Variants in ME1 observed in about 807,000 individuals in gnomAD.
The protein encoded by ME1 is malic enzyme 1, also known as NADP-dependent malic enzyme.
ME1 carries 74 observed loss-of-function variants against 66.4 expected under a neutral mutation model. The observed-to-expected ratio is 1.11, with a 90% CI of 0.92 to 1.35. The LOEUF (loss-of-function observed/expected upper bound fraction) is 1.35. ME1 is among the 40% of genes most tolerant of loss of function. ME1 has a pLI of 0.00. For synonymous variants in ME1, 251 were observed against 235.6 expected (o/e 1.07, Z -0.60); for missense variants, 750 against 694.1 (o/e 1.08, Z -0.90).
chr6:83,331,118 T>C (rs750157072), intron 5 of ME1, among the ~76,000 whole-genome samples: 11 of 152,160 alleles, frequency 7.2e-5, no homozygotes, highest in African/African-American at 1.9e-4. Context: ...GCCCGTGACC[T>C]CTTGAGGACT....
chr6:83,359,417 A>C (rs1768962956), intron 3 of ME1, among the ~76,000 whole-genome samples: 1 of 152,138 alleles, frequency 6.6e-6, no homozygotes, highest in African/African-American at 2.4e-5. Context: ...CAGGCATGTG[A>C]GTGGATATTA....
At chr6:83,355,387 A>G (rs1768868597) in intron 3 of ME1, among the ~76,000 whole-genome samples, 1 of 152,142 alleles carries the variant, frequency 6.6e-6, no homozygotes, top group South Asian at 2.1e-4. Flanking sequence ...AGGTTTTCCA[A>G]ATAACACTGG....
At chr6:83,421,677 A>G (rs1770271791) in intron 1 of ME1, among the ~76,000 whole-genome samples, 1 of 152,186 alleles carries the variant, frequency 6.6e-6, no homozygotes, top group Admixed American at 6.5e-5. Flanking sequence ...TTGATTGTGT[A>G]CAAAGACTGC....
intron 9 of ME1, chr6:83,229,336 C>G: frequency 3.7e-6 from 1 of 269,108 alleles, no homozygotes; most frequent in Middle Eastern, 4.9e-4. Context: ...CCAATTTATG[C>G]TACTGACTAA....
At chr6:83,411,716 C>A (rs918947977) in intron 1 of ME1, among the ~76,000 whole-genome samples, 2 of 152,044 alleles carry the variant, frequency 1.3e-5, no homozygotes, top group African/African-American at 4.8e-5. Context: ...TGATTTCTAC[C>A]AAGTCTTTCA....
chr6:83,384,184 A>C (rs998035131), intron 3 of ME1, among the ~76,000 whole-genome samples: 3 of 151,892 alleles, frequency 2.0e-5, no homozygotes, highest in Admixed American at 1.3e-4. Flanking sequence ...TTGGGTATAT[A>C]CCCAATAATG....
intron 3 of ME1, among the ~76,000 whole-genome samples, chr6:83,374,002 G>A (rs1256018808): frequency 1.3e-5 from 2 of 152,092 alleles, no homozygotes; most frequent in South Asian, 2.1e-4. Context: ...TCATTATCCA[G>A]TCTATCATTG....
intron 3 of ME1, among the ~76,000 whole-genome samples, chr6:83,355,917 AC>A (rs1768880248): frequency 6.6e-6 from 1 of 152,142 alleles, no homozygotes; most frequent in African/African-American, 2.4e-5. Flanking sequence ...AGACATGCCA[AC>A]TAAGAATACT....
At chr6:83,322,071 A>T (rs754776269) in intron 5 of ME1, among the ~76,000 whole-genome samples, 1 of 152,242 alleles carries the variant, frequency 6.6e-6, no homozygotes. Flanking sequence ...ACTGACTCTT[A>T]GAAGGAAAAC....
At chr6:83,242,410 A>T (rs541583678) in intron 7 of ME1, among the ~76,000 whole-genome samples, 7 of 152,328 alleles carry the variant, frequency 4.6e-5, no homozygotes, top group Non-Finnish European at 8.8e-5. Flanking sequence ...AAATAATTAT[A>T]ATCCTCATGT....
chr6:83,261,589 C>G (rs1766889435), intron 6 of ME1, among the ~76,000 whole-genome samples: 1 of 152,000 alleles, frequency 6.6e-6, no homozygotes, highest in East Asian at 1.9e-4. Context: ...AAGGGAACAT[C>G]CAGTGAGGAA....
intron 6 of ME1, among the ~76,000 whole-genome samples, chr6:83,306,251 G>T (rs1767822290): frequency 6.6e-6 from 1 of 151,706 alleles, no homozygotes; most frequent in Non-Finnish European, 1.5e-5. Flanking sequence ...TAAGAAACTG[G>T]GCTTAATCTT....
At chr6:83,325,437 A>T (rs1236946855) in intron 5 of ME1, among the ~76,000 whole-genome samples, 1 of 152,232 alleles carries the variant, frequency 6.6e-6, no homozygotes, top group East Asian at 1.9e-4. Context: ...CTCTCTTTGC[A>T]GACGACATGA....
chr6:83,263,932 T>C (rs1766944168), intron 6 of ME1, among the ~76,000 whole-genome samples: 1 of 152,118 alleles, frequency 6.6e-6, no homozygotes, highest in Admixed American at 6.6e-5. Flanking sequence ...GGTGGTTACA[T>C]TAAAGACCAG....
intron 6 of ME1, among the ~76,000 whole-genome samples, chr6:83,295,745 A>C (rs1767585391): frequency 6.6e-6 from 1 of 152,170 alleles, no homozygotes; most frequent in Admixed American, 6.5e-5. Context: ...TGGTTCTTTG[A>C]AAAAATTAAT....
chr6:83,408,218 T>C (rs1483532207), intron 1 of ME1, among the ~76,000 whole-genome samples: 12 of 152,176 alleles, frequency 7.9e-5, no homozygotes, highest in Non-Finnish European at 7.4e-5. Context: ...TCAATGTCAG[T>C]ACATATAAAA....
At chr6:83,331,935 C>G (rs1768419565) in intron 5 of ME1, among the ~76,000 whole-genome samples, 2 of 152,032 alleles carry the variant, frequency 1.3e-5, no homozygotes, top group South Asian at 4.2e-4. Context: ...TAGCAAGCCT[C>G]AATATTAGTC....
chr6:83,316,073 G>C (rs1396094403), intron 5 of ME1, among the ~76,000 whole-genome samples: 2 of 152,008 alleles, frequency 1.3e-5, no homozygotes, highest in African/African-American at 4.8e-5. Context: ...ATTTAGTTTT[G>C]AAATATTAGC....
At chr6:83,402,260 C>T (rs1437444243) in intron 2 of ME1, among the ~76,000 whole-genome samples, 1 of 151,942 alleles carries the variant, frequency 6.6e-6, no homozygotes, top group Non-Finnish European at 1.5e-5. Flanking sequence ...AATCAGTGTC[C>T]AAAAAAATGG....
Sources: gnomAD v4.1 joint callset for allele counts (sites outside exome capture counted in the v4.1 genomes callset) on GRCh38, gnomAD v4.1.1 for gene constraint, MANE v1.5 for transcripts, NCBI Gene and HGNC (gene_info 2026-07-23, HGNC 2026-07-21) for gene names.